ATRNL1: variants seen among roughly 807,000 people sequenced by gnomAD.
ATRNL1 encodes the protein attractin-like protein 1.
A neutral mutation model predicts 182.7 loss-of-function variants in ATRNL1; 95 were observed. That is an observed-to-expected ratio of 0.52 (90% CI 0.44 to 0.62). The LOEUF (loss-of-function observed/expected upper bound fraction) is 0.62. Among genes scored for constraint, ATRNL1 ranks in the 20% least tolerant of loss-of-function variants. The pLI is 0.00. For synonymous variants in ATRNL1, 576 were observed against 568.3 expected (o/e 1.01, Z -0.19); for missense variants, 1,471 against 1,679.5 (o/e 0.88, Z 2.17).
chr10:115,600,462 A>G (rs1256003860), intron 26 of ATRNL1, among the ~76,000 whole-genome samples: 1 of 152,068 alleles, frequency 6.6e-6, no homozygotes. Flanking sequence ...TTACTCTAGT[A>G]CCTCATAGTT....
At chr10:115,738,488 A>G (rs1378398522) in intron 27 of ATRNL1, among the ~76,000 whole-genome samples, 2 of 152,114 alleles carry the variant, frequency 1.3e-5, no homozygotes, top group Non-Finnish European at 2.9e-5. Flanking sequence ...AGAGATTTTT[A>G]TAGGCACACC....
chr10:115,181,454 A>T, intron 8 of ATRNL1, among the ~76,000 whole-genome samples: 1 of 151,774 alleles, frequency 6.6e-6, no homozygotes, highest in East Asian at 1.9e-4. Context: ...CTTTCTTAGA[A>T]GTCTTTCAAA....
chr10:115,912,426 G>C (rs989966274), intron 28 of ATRNL1, among the ~76,000 whole-genome samples: 2 of 151,880 alleles, frequency 1.3e-5, no homozygotes, highest in Non-Finnish European at 2.9e-5. Flanking sequence ...TTGTGTGTGT[G>C]TGTGTGTGTG....
chr10:115,140,755 T>C (rs1393767246), intron 5 of ATRNL1, among the ~76,000 whole-genome samples: 1 of 152,208 alleles, frequency 6.6e-6, no homozygotes, highest in African/African-American at 2.4e-5. Flanking sequence ...TGAAGTTGGC[T>C]GTTTTAAACT....
At chr10:115,913,118 T>G (rs1952735493) in intron 28 of ATRNL1, among the ~76,000 whole-genome samples, 1 of 152,252 alleles carries the variant, frequency 6.6e-6, no homozygotes, top group African/African-American at 2.4e-5. Flanking sequence ...GATAACAGGC[T>G]GCAAAAGTAC....
At chr10:115,484,697 T>G (rs1218430685) in intron 24 of ATRNL1, among the ~76,000 whole-genome samples, 1 of 151,858 alleles carries the variant, frequency 6.6e-6, no homozygotes, top group Admixed American at 6.6e-5. Context: ...ATATAATATG[T>G]GAATTGCCTG....
chr10:115,129,388 C>T lies in ATRNL1; in HGVS notation c.682C>T (p.Pro228Ser). The change falls in exon 5 of 29, where the codon CCA becomes TCA. Residue 228 changes from proline (P) to serine (S), a missense_variant. Around this residue, in one of 3 missense-constraint regions of ATRNL1, gnomAD observed 1,031 missense variants for 1,156.0 expected, o/e 0.89. Transcript: ENST00000355044. ...HGKCTTSVSV[P>S]SQVYCECDKY... ...GAAGTGTACAACTAGTGTCTCTGTT[C>T]CAAGTCAAGTATATTGTGAATGTGA... is the stretch of plus-strand genomic sequence containing the variant. 6.2e-7 allele frequency: 1 copy of T among 1,613,864 alleles called. No homozygotes were observed. The highest frequency in any genetic ancestry group is 2.2e-5 in the East Asian group (1 of 44,878).
intron 27 of ATRNL1, among the ~76,000 whole-genome samples, chr10:115,757,876 T>G (rs1434537044): frequency 6.6e-6 from 1 of 151,914 alleles, no homozygotes; most frequent in Non-Finnish European, 1.5e-5. Flanking sequence ...CTCTTTTTTC[T>G]CTAATCTTGT....
chr10:115,117,610 G>A (rs1554870385), intron 1 of ATRNL1, among the ~76,000 whole-genome samples: 3 of 152,196 alleles, frequency 2.0e-5, no homozygotes, highest in Non-Finnish European at 4.4e-5. Context: ...TCTGTTGATG[G>A]ACACGTAGGT....
At chr10:115,568,347 A>T (rs1192547787) in intron 26 of ATRNL1, among the ~76,000 whole-genome samples, 1 of 152,100 alleles carries the variant, frequency 6.6e-6, no homozygotes, top group Non-Finnish European at 1.5e-5. Context: ...AATTATCTGA[A>T]TACAGGAATG....
At chr10:115,180,309 T>C (rs1847701114) in intron 8 of ATRNL1, among the ~76,000 whole-genome samples, 1 of 152,058 alleles carries the variant, frequency 6.6e-6, no homozygotes, top group African/African-American at 2.4e-5. Context: ...TTTTGACCTT[T>C]ATAAAAAGGT....
intron 27 of ATRNL1, among the ~76,000 whole-genome samples, chr10:115,766,277 A>G (rs1053294798): frequency 2.6e-5 from 4 of 152,222 alleles, no homozygotes; most frequent in Non-Finnish European, 4.4e-5. Flanking sequence ...TGATCATTAT[A>G]GAACAGAGCA....
At position 115,106,025 on chromosome 10, in the gene ATRNL1, A is replaced by T. The variant is rs1592105447; in HGVS notation, c.293+11982A>T. 4.6e-5 allele frequency among the ~76,000 whole-genome samples: 7 copies of T among 152,138 alleles called. 1 individual carries two copies. In the South Asian group the frequency reaches 1.4e-3, roughly 31 times the overall value. ...AGTAGATGCTCCTACACCTTGCACC[A>T]TGTGCCTGGAAAAGCCGCAGATGTT... On this transcript the variant is annotated intron_variant, in intron 1 of 28. Transcript: ENST00000355044.
chr10:115,583,770 A>G (rs1241776524), intron 26 of ATRNL1, among the ~76,000 whole-genome samples: 1 of 150,742 alleles, frequency 6.6e-6, no homozygotes, highest in African/African-American at 2.4e-5. Flanking sequence ...TGCCCTGGCC[A>G]GAACTTCCAA....
At chr10:115,103,787 T>G (rs1843885272) in intron 1 of ATRNL1, among the ~76,000 whole-genome samples, 1 of 152,182 alleles carries the variant, frequency 6.6e-6, no homozygotes. Context: ...ACTGAGAAAA[T>G]GCAATGTTTG....
intron 1 of ATRNL1, among the ~76,000 whole-genome samples, chr10:115,097,664 G>A (rs146283788): frequency 8.5e-5 from 13 of 152,224 alleles, no homozygotes; most frequent in Admixed American, 7.2e-4. Context: ...GGTGTCTCAC[G>A]CCTGTAATCC....
chr10:115,432,907 A>G (rs564834553), intron 21 of ATRNL1, among the ~76,000 whole-genome samples: 1 of 152,164 alleles, frequency 6.6e-6, no homozygotes, highest in Admixed American at 6.5e-5. Flanking sequence ...TAGAAATGCT[A>G]TATAGATGAT....
rs118149060 is a variant in ATRNL1, at chr10:115,799,140, G to A, written c.3904-48737G>A. ...AGTAATAAGCTTTCTTTACGTCGGA[G>A]ATCCTGTCTTATTTATCTTTACATT... On this transcript the variant is annotated intron_variant, in intron 27 of 28. Transcript: ENST00000355044. Among the ~76,000 whole-genome samples, 52 of 152,072 alleles carry A rather than the reference G, an allele frequency of 3.4e-4. No individual in the cohort carries two copies. In the East Asian group the frequency reaches 9.3e-3, roughly 27 times the overall value.
intron 27 of ATRNL1, among the ~76,000 whole-genome samples, chr10:115,799,162 C>A (rs781810475): frequency 2.0e-5 from 3 of 152,052 alleles, no homozygotes; most frequent in Non-Finnish European, 4.4e-5. Flanking sequence ...TTTATCTTTA[C>A]ATTTATAATA....
Sources: allele counts gnomAD v4.1 joint callset (sites outside exome capture counted in the v4.1 genomes callset), GRCh38; gene constraint gnomAD v4.1.1; regional missense constraint gnomAD v4.1.1; transcripts MANE v1.5; gene names NCBI Gene and HGNC (gene_info 2026-07-23, HGNC 2026-07-21).